ASB2: variants seen among roughly 807,000 people sequenced by gnomAD.
ASB2 encodes the protein ankyrin repeat and SOCS box containing 2.
Under a neutral mutation model 62.4 loss-of-function variants are expected in ASB2, and 58 were observed. That is an observed-to-expected ratio of 0.93 (90% CI 0.75 to 1.16). The LOEUF is 1.16. Among genes scored for constraint, ASB2 ranks in the 50% most tolerant of loss-of-function variants. The probability of loss-of-function intolerance (pLI) is 0.00; values close to 1 mark genes in which losing one functional copy is unlikely to be tolerated. For missense variants in ASB2, 928 were observed against 887.9 expected, an observed-to-expected ratio of 1.05 and a Z score of -0.57; for synonymous variants, 386 against 385.3, an observed-to-expected ratio of 1.00 and a Z score of -0.02.
intron 3 of ASB2, chr14:93,955,206 A>G (rs542880688): frequency 2.2e-6 from 1 of 455,864 alleles, no homozygotes; most frequent in African/African-American, 2.0e-5. Context: ...CCAGATGGAG[A>G]AGGTGAGGCT....
Position 93,934,527 on chromosome 14 carries a change from G to T in ASB2, c.*129C>A. On this transcript the variant is annotated 3_prime_UTR_variant, in exon 10 of 10. Coordinates refer to ENST00000555019, the MANE Select transcript of ASB2 (RefSeq NM_001202429.2). ...GAGACCCAGTGAGATCCTGGTAGCT[G>T]TCCAGGCTGAGAGGGAGGCAGCCTG... 1.1e-6 allele frequency: 1 copy of T among 871,356 alleles called. No homozygotes were observed. Among genetic ancestry groups the T allele is most frequent in the Non-Finnish European group, 1.8e-6 (1 of 551,268 alleles). 54.0% of individuals were successfully genotyped at this position (871,356 alleles called of 1,614,324 possible).
At position 93,964,373 on chromosome 14, in the gene ASB2, C is replaced by T. The variant is rs1401748160; in HGVS notation, c.167G>A (p.Cys56Tyr). 2.0e-6 allele frequency: 3 copies of T among 1,536,182 alleles called. No individual in the cohort carries two copies. Among genetic ancestry groups the T allele is most frequent in the Non-Finnish European group, 2.6e-6 (3 of 1,146,918 alleles). The change falls in exon 2 of 10, where the codon TGT becomes TAT. Residue 56 changes from cysteine (C) to tyrosine (Y), a missense_variant. By Grantham distance (194) the Cys-to-Tyr change is radical. Coordinates refer to ENST00000555019, the MANE Select transcript of ASB2 (RefSeq NM_001202429.2). Reference sequence around the variant, plus strand: ...GAAATGGGCAGGTTGGCGGTTGGTACATGCAGACGCGGTGGCCTCAGCAGT... The same window carrying T: ...GAAATGGGCAGGTTGGCGGTTGGTATATGCAGACGCGGTGGCCTCAGCAGT... ...PTTAEATASACTNRQPAHFYP... is the reference protein window; with the variant it reads ...PTTAEATASAYTNRQPAHFYP...
intron 7 of ASB2, among the ~76,000 whole-genome samples, chr14:93,942,047 G>A (rs2141276859): frequency 6.6e-6 from 1 of 152,250 alleles, no homozygotes; most frequent in East Asian, 1.9e-4. Flanking sequence ...AGCCTTCTAC[G>A]ATGCCCCTCT....
At chr14:93,948,970 C>T (rs956716920) in intron 6 of ASB2, among the ~76,000 whole-genome samples, 1 of 152,210 alleles carries the variant, frequency 6.6e-6, no homozygotes, top group Non-Finnish European at 1.5e-5. Context: ...ACCCAGAAAA[C>T]ATTAATCCAT....
intron 7 of ASB2, 104 bp from the exon 8 acceptor site, chr14:93,939,776 G>T (rs945266268): frequency 1.4e-5 from 13 of 947,774 alleles, no homozygotes; most frequent in East Asian, 6.6e-5. Context: ...TCGGCTGGTC[G>T]CCCTGACCGC....
At chr14:93,968,710 G>A (rs1889667265) in intron 1 of ASB2, among the ~76,000 whole-genome samples, 1 of 152,228 alleles carries the variant, frequency 6.6e-6, no homozygotes, top group African/African-American at 2.4e-5. Flanking sequence ...ACCTTGACAG[G>A]ACCTTGAGAA....
At chr14:93,971,873 G>A (rs1415839920) in intron 1 of ASB2, among the ~76,000 whole-genome samples, 1 of 151,900 alleles carries the variant, frequency 6.6e-6, no homozygotes, top group African/African-American at 2.4e-5. Flanking sequence ...CAAGATTTGA[G>A]TGAAGGCCAG....
chr14:93,939,089 G>A lies in ASB2; in HGVS notation c.1617+19C>T. The A allele has an allele frequency of 6.9e-7, 1 of 1,439,724 alleles. No individual in the cohort carries two copies. Among genetic ancestry groups the A allele is most frequent in the Non-Finnish European group, 9.1e-7 (1 of 1,097,936 alleles). The allele number at this position is 1,439,724 out of a possible 1,614,324, so 89.2% of individuals were successfully genotyped here. A position where few individuals can be genotyped will look rare whatever the true frequency, so the allele number is the denominator to read the frequency against. On this transcript the variant is annotated intron_variant, in intron 8 of 9. Coordinates refer to ENST00000555019, the MANE Select transcript of ASB2 (RefSeq NM_001202429.2). ...ACACCCAAAAGGCGTGCTCCCCACC[G>A]CCAGCGTGCGCTGCCCACCTGCACC...
At position 93,937,856 on chromosome 14, in the gene ASB2, A is replaced by C; in HGVS notation, c.1618-5T>G. On this transcript the variant is annotated splice_polypyrimidine_tract_variant and splice_region_variant and intron_variant, in intron 8 of 9. Transcript: ENST00000555019. ...GGCAGATACGAACTCACAGAACTGA[A>C]AGAGAACATGCCGGGACCAAGAAGT... The C allele has an allele frequency of 6.3e-7, 1 of 1,592,072 alleles. No homozygotes were observed. Among genetic ancestry groups the C allele is most frequent in the African/African-American group, 1.3e-5 (1 of 74,700 alleles).
At chr14:93,962,616 G>A (rs566030036) in intron 2 of ASB2, among the ~76,000 whole-genome samples, 1 of 152,240 alleles carries the variant, frequency 6.6e-6, no homozygotes, top group South Asian at 2.1e-4. Context: ...GCCCACTGTG[G>A]GCCTCCATTT....
chr14:93,961,688 G>A (rs2141309179), intron 2 of ASB2, among the ~76,000 whole-genome samples: 1 of 152,334 alleles, frequency 6.6e-6, no homozygotes, highest in Admixed American at 6.5e-5. Context: ...AACTTGCTGT[G>A]AATTTATTTG....
intron 1 of ASB2, among the ~76,000 whole-genome samples, chr14:93,971,398 C>CT: frequency 6.6e-6 from 1 of 152,360 alleles, no homozygotes; most frequent in African/African-American, 2.4e-5. Context: ...CTCACATCAT[C>CT]TGCTGCCCTA....
chr14:93,968,091 CAT>C (rs1231823706), intron 1 of ASB2, among the ~76,000 whole-genome samples: 1 of 152,210 alleles, frequency 6.6e-6, no homozygotes. Flanking sequence ...GCCAGAGACT[CAT>C]AGACAGCACA....
At chr14:93,955,117 G>T (rs2141298563) in intron 3 of ASB2, 1 of 456,708 alleles carries the variant, frequency 2.2e-6, no homozygotes, top group Non-Finnish European at 4.4e-6. Flanking sequence ...CCTCATCCTT[G>T]GAGAGTCCGT....
At chr14:93,966,534 A>G (rs937496530) in intron 1 of ASB2, among the ~76,000 whole-genome samples, 1 of 152,214 alleles carries the variant, frequency 6.6e-6, no homozygotes, top group Non-Finnish European at 1.5e-5. Flanking sequence ...TGAGGGGGAC[A>G]GTGAATGACA....
intron 7 of ASB2, among the ~76,000 whole-genome samples, chr14:93,945,560 G>A (rs1375686106): frequency 2.6e-5 from 4 of 152,202 alleles, no homozygotes; most frequent in Non-Finnish European, 5.9e-5. Flanking sequence ...TTTTATAAAT[G>A]AGGAAAATGA....
At chr14:93,966,660 G>A (rs888958688) in intron 1 of ASB2, among the ~76,000 whole-genome samples, 6 of 152,220 alleles carry the variant, frequency 3.9e-5, no homozygotes, top group African/African-American at 1.4e-4. Flanking sequence ...GTTAGGTACT[G>A]AAGATTCTTG....
intron 6 of ASB2, among the ~76,000 whole-genome samples, chr14:93,949,814 C>A (rs537557748): frequency 1.3e-5 from 2 of 152,198 alleles, no homozygotes; most frequent in Non-Finnish European, 2.9e-5. Flanking sequence ...GGACCCCCGG[C>A]CTGGGCTCCC....
Position 93,934,598 on chromosome 14 carries a change from G to A in ASB2, c.*58C>T, listed in dbSNP as rs1256782087. The A allele has an allele frequency of 2.7e-5, 43 of 1,581,806 alleles. No individual in the cohort carries two copies. Among genetic ancestry groups the A allele is most frequent in the African/African-American group, 2.2e-4 (16 of 74,094 alleles). On this transcript the variant is annotated 3_prime_UTR_variant, in exon 10 of 10. Coordinates refer to ENST00000555019, the MANE Select transcript of ASB2 (RefSeq NM_001202429.2). ...TCCCCTTGGAGTTGGGAACACCGAC[G>A]TCCTGAGACTTAGTAAGAAGAGTCT...
Sources: gnomAD v4.1 joint callset for allele counts (sites outside exome capture counted in the v4.1 genomes callset) on GRCh38, gnomAD v4.1.1 for gene constraint, MANE v1.5 for transcripts, NCBI Gene and HGNC (gene_info 2026-07-23, HGNC 2026-07-21) for gene names.